Variants in NCEH1 observed in about 807,000 individuals in gnomAD.
NCEH1 encodes the protein 2-acetyl MAGE hydrolase.
A neutral mutation model predicts 25.4 loss-of-function variants in NCEH1; 9 were observed. That is an observed-to-expected ratio of 0.35 (90% CI 0.21 to 0.62). The LOEUF is 0.62. Ranked by LOEUF, NCEH1 falls within the 20% of genes least tolerant of loss-of-function variation. The pLI is 0.72. For synonymous variants in NCEH1, 200 were observed against 199.8 expected (o/e 1.00, Z -0.01); for missense variants, 412 against 501.1 (o/e 0.82, Z 1.70).
intron 1 of NCEH1, among the ~76,000 whole-genome samples, chr3:172,680,096 A>T (rs145600480): frequency 2.5e-3 from 381 of 152,320 alleles, no homozygotes; most frequent in African/African-American, 8.0e-3. Flanking sequence ...GAGTTAGAAC[A>T]TCTGGGGCAG....
At chr3:172,661,785 G>GCGTGCT (rs1376037675) in intron 1 of NCEH1, among the ~76,000 whole-genome samples, 1 of 109,846 alleles carries the variant, frequency 9.1e-6, no homozygotes, top group Non-Finnish European at 2.3e-5. Flanking sequence ...TCTCTTATTG[G>GCGTGCT]TGTATAGGAA....
chr3:172,662,421 A>G (rs532625879), intron 1 of NCEH1, among the ~76,000 whole-genome samples: 13 of 152,276 alleles, frequency 8.5e-5, no homozygotes, highest in African/African-American at 2.9e-4. Flanking sequence ...ACATTGGCCT[A>G]AAATTCTCTT....
chr3:172,638,217 G>T (rs1052195837), intron 3 of NCEH1, among the ~76,000 whole-genome samples: 1 of 128,666 alleles, frequency 7.8e-6, no homozygotes, highest in Non-Finnish European at 1.6e-5. Context: ...GGCGGAGCTT[G>T]CAGTGAGCTG....
intron 4 of NCEH1, 107 bp from the exon 5 acceptor site, chr3:172,634,199 T>G (rs1716505352): frequency 8.4e-6 from 9 of 1,068,904 alleles, no homozygotes; most frequent in Non-Finnish European, 8.1e-6. Context: ...GTCAATGGTA[T>G]AAGTGTTACA....
At chr3:172,702,520 T>C (rs1399814440) in intron 1 of NCEH1, among the ~76,000 whole-genome samples, 2 of 152,222 alleles carry the variant, frequency 1.3e-5, no homozygotes, top group Non-Finnish European at 1.5e-5. Context: ...TTCTCAAGAT[T>C]AGGTATCTGC....
intron 3 of NCEH1, among the ~76,000 whole-genome samples, chr3:172,639,578 AT>A (rs1716755446): frequency 6.6e-6 from 1 of 152,182 alleles, no homozygotes; most frequent in Admixed American, 6.5e-5. Context: ...GACATTCAAT[AT>A]TTAAAAACTG....
intron 1 of NCEH1, among the ~76,000 whole-genome samples, chr3:172,663,131 A>T (rs1322542271): frequency 6.6e-6 from 1 of 151,726 alleles, no homozygotes; most frequent in East Asian, 1.9e-4. Flanking sequence ...CACTGCTTTA[A>T]ATGTGTCCCA....
intron 1 of NCEH1, among the ~76,000 whole-genome samples, chr3:172,697,320 A>G (rs537448238): frequency 1.3e-5 from 2 of 152,274 alleles, no homozygotes; most frequent in African/African-American, 4.8e-5. Flanking sequence ...AACCCAATTC[A>G]ACATAAACAG....
At chr3:172,689,464 C>T (rs1478829275) in intron 1 of NCEH1, among the ~76,000 whole-genome samples, 1 of 151,454 alleles carries the variant, frequency 6.6e-6, no homozygotes, top group Admixed American at 6.6e-5. Flanking sequence ...CCAGGGTGGT[C>T]TCAAACTCCT....
At chr3:172,637,879 A>G (rs1486889774) in intron 3 of NCEH1, among the ~76,000 whole-genome samples, 1 of 149,096 alleles carries the variant, frequency 6.7e-6, no homozygotes, top group Non-Finnish European at 1.5e-5. Flanking sequence ...ACAGAGCAAG[A>G]CTCCATCTCA....
At chr3:172,647,293 C>T (rs1342145788) in intron 2 of NCEH1, among the ~76,000 whole-genome samples, 1 of 152,198 alleles carries the variant, frequency 6.6e-6, no homozygotes, top group Non-Finnish European at 1.5e-5. Flanking sequence ...GTTTGGCTGC[C>T]TGCCATTTTG....
intron 3 of NCEH1, among the ~76,000 whole-genome samples, chr3:172,640,413 T>C (rs1337574121): frequency 1.3e-5 from 2 of 152,224 alleles, no homozygotes; most frequent in East Asian, 1.9e-4. Flanking sequence ...AATCTATTTA[T>C]TCCACTAACA....
In NCEH1 at chr3:172,702,029, T is replaced by C. The variant is rs1713721749; in HGVS notation, c.138+8818A>G. On this transcript the variant is annotated intron_variant, in intron 1 of 4. Transcript: ENST00000475381. ...ACTTTCACATACTGCTGCTTCTGGCTGGAATGCCCCTTTCACCCTTCTCTT... is the reference window on the plus strand; with the variant it reads ...ACTTTCACATACTGCTGCTTCTGGCCGGAATGCCCCTTTCACCCTTCTCTT... Among the ~76,000 whole-genome samples, 3 of 152,272 alleles carry C rather than the reference T, an allele frequency of 2.0e-5. No homozygotes were observed. In the East Asian group the frequency reaches 5.8e-4, roughly 29 times the overall value.
chr3:172,701,466 T>TTTTTTTTTTTTAA (rs1159407444), intron 1 of NCEH1, among the ~76,000 whole-genome samples: 5 of 143,586 alleles, frequency 3.5e-5, no homozygotes, highest in East Asian at 2.0e-4. Context: ...TTTTTTTTTT[T>TTTTTTTTTTTTAA]AAAGACGGAG....
At chr3:172,656,995 C>T (rs1234306947) in intron 1 of NCEH1, among the ~76,000 whole-genome samples, 15 of 152,058 alleles carry the variant, frequency 9.9e-5, no homozygotes, top group Non-Finnish European at 1.5e-5. Flanking sequence ...TTTTTCTTGC[C>T]ACACTAACAG....
intron 1 of NCEH1, among the ~76,000 whole-genome samples, chr3:172,677,428 TG>T (rs1712075036): frequency 1.3e-5 from 2 of 152,246 alleles, no homozygotes; most frequent in African/African-American, 4.8e-5. Flanking sequence ...GACAAGTTAT[TG>T]CCTACTATTT....
chr3:172,683,402 C>CAA lies in NCEH1; in HGVS notation c.138+27443_138+27444dup, dbSNP rs1165644401. On this transcript the variant is annotated intron_variant, in intron 1 of 4. Transcript: ENST00000475381. ...TGGGCGACAGAGCGAGACTCCGTCT[C>CAA]AAAAAAAAAAAAAAAAAAAAAAAAA... Among the ~76,000 whole-genome samples the CAA allele has an allele frequency of 3.6e-3, 57 of 15,690 alleles. 10 individuals carry two copies. Among genetic ancestry groups the CAA allele is most frequent in the South Asian group, 0.018 (3 of 164 alleles). 10.3% of individuals were successfully genotyped at this position (15,690 alleles called of 152,430 possible).
chr3:172,645,707 G>A lies in NCEH1; in HGVS notation c.368-15C>T. 2 of 1,547,576 alleles carry A rather than the reference G, an allele frequency of 1.3e-6. No individual in the cohort carries two copies. ...ATACCTGATTTCTAAAAGACACAAA[G>A]GGAACAATCATTACAAAACAGGTCA... On this transcript the variant is annotated splice_polypyrimidine_tract_variant and intron_variant, in intron 2 of 4. Transcript: ENST00000475381.
In NCEH1 at chr3:172,632,194, A is replaced by G. The variant is rs1232184411; in HGVS notation, c.*1281T>C. The G allele has an allele frequency of 6.6e-6, 1 of 152,232 alleles. No individual in the cohort carries two copies. Among genetic ancestry groups the G allele is most frequent in the Non-Finnish European group, 1.5e-5 (1 of 68,030 alleles). The allele number at this position is 152,232 out of a possible 1,614,324, so 9.4% of individuals were successfully genotyped here. ...AGATGACTTTACTAGGCGCAGTCAT[A>G]GTTTCTAATTATTTTAACTTGTATA... On this transcript the variant is annotated 3_prime_UTR_variant, in exon 5 of 5. Transcript: ENST00000475381.
Sources: gnomAD v4.1 joint callset for allele counts (sites outside exome capture counted in the v4.1 genomes callset) on GRCh38, gnomAD v4.1.1 for gene constraint, MANE v1.5 for transcripts, NCBI Gene and HGNC (gene_info 2026-07-23, HGNC 2026-07-21) for gene names.